The following PHTF2 variants were observed in gnomAD, a reference collection of about 807,000 sequenced individuals.
PHTF2 encodes protein PHTF2.
A neutral mutation model predicts 101.2 loss-of-function variants in PHTF2; 60 were observed. The observed-to-expected ratio is 0.59, with a 90% CI of 0.48 to 0.73. The LOEUF is 0.73. Ranked by LOEUF, PHTF2 falls within the 30% of genes least tolerant of loss-of-function variation. The pLI, the probability that PHTF2 is intolerant of heterozygous loss-of-function variation, is 0.00. For missense variants in PHTF2, 747 were observed against 908.7 expected (o/e 0.82, Z 2.29); for synonymous variants, 311 against 307.3 (o/e 1.01, Z -0.13).
chr7:77,905,864 TTCTG>T (rs1389576311), intron 7 of PHTF2, among the ~76,000 whole-genome samples: 3 of 152,188 alleles, frequency 2.0e-5, no homozygotes, highest in Non-Finnish European at 4.4e-5. Context: ...CCCAACAACA[TTCTG>T]TCTTAGTTGA....
intron 2 of PHTF2, among the ~76,000 whole-genome samples, chr7:77,841,075 CTTT>C (rs57283892): frequency 2.7e-4 from 21 of 77,264 alleles, no homozygotes; most frequent in African/African-American, 9.4e-4. Flanking sequence ...AAAAAACAGA[CTTT>C]TTTTTTTTTT....
At chr7:77,865,487 A>T (rs958867771) in intron 3 of PHTF2, among the ~76,000 whole-genome samples, 1 of 152,166 alleles carries the variant, frequency 6.6e-6, no homozygotes, top group African/African-American at 2.4e-5. Flanking sequence ...AGCCTCCTAA[A>T]GTGCTGGCAT....
chr7:77,923,040 A>G (rs1442381208), intron 11 of PHTF2: 28 of 1,121,710 alleles, frequency 2.5e-5, no homozygotes, highest in Non-Finnish European at 2.7e-5. Flanking sequence ...GCTTTTAAAG[A>G]AGAACATTCT....
chr7:77,904,269 A>G (rs1444933812), intron 7 of PHTF2, among the ~76,000 whole-genome samples: 1 of 151,886 alleles, frequency 6.6e-6, no homozygotes, highest in Non-Finnish European at 1.5e-5. Context: ...TGGACATGCA[A>G]CTCCCTTTGC....
At chr7:77,830,413 A>G (rs1794988886) in intron 1 of PHTF2, among the ~76,000 whole-genome samples, 1 of 152,160 alleles carries the variant, frequency 6.6e-6, no homozygotes, top group African/African-American at 2.4e-5. Context: ...GCACTACGGG[A>G]GGTGAGCCAG....
chr7:77,818,016 A>G (rs996183285), intron 1 of PHTF2, among the ~76,000 whole-genome samples: 5 of 151,674 alleles, frequency 3.3e-5, no homozygotes, highest in African/African-American at 9.7e-5. Flanking sequence ...AGGCTGAGGC[A>G]GGAGAATCTC....
chr7:77,863,281 T>C (rs1797791153), intron 3 of PHTF2, among the ~76,000 whole-genome samples: 1 of 152,210 alleles, frequency 6.6e-6, no homozygotes, highest in Non-Finnish European at 1.5e-5. Context: ...TAGGATGGTA[T>C]ATAAAGAGCT....
intron 11 of PHTF2, among the ~76,000 whole-genome samples, chr7:77,927,172 AAAAAAATAT>A (rs1457264318): frequency 1.1e-4 from 11 of 97,170 alleles, no homozygotes; most frequent in South Asian, 6.7e-4. Flanking sequence ...AAAAAAAAAA[AAAAAAATAT>A]ATATATATAT....
At chr7:77,834,829 A>ATT (rs1795327341) in intron 1 of PHTF2, among the ~76,000 whole-genome samples, 1 of 152,210 alleles carries the variant, frequency 6.6e-6, no homozygotes, top group Non-Finnish European at 1.5e-5. Flanking sequence ...AGAGACAAAG[A>ATT]ATGTTGCCAC....
intron 1 of PHTF2, among the ~76,000 whole-genome samples, chr7:77,817,824 T>C (rs1160385985): frequency 6.6e-6 from 1 of 152,102 alleles, no homozygotes; most frequent in Non-Finnish European, 1.5e-5. Flanking sequence ...AAGTTTGAGT[T>C]CCGGGCCGGG....
intron 1 of PHTF2, among the ~76,000 whole-genome samples, chr7:77,803,631 A>G (rs2150462081): frequency 6.6e-6 from 1 of 151,782 alleles, no homozygotes; most frequent in Non-Finnish European, 1.5e-5. Flanking sequence ...CATATTCTTG[A>G]TTTCTAAGAC....
chr7:77,905,084 G>A (rs1335162683), intron 7 of PHTF2, among the ~76,000 whole-genome samples: 1 of 152,192 alleles, frequency 6.6e-6, no homozygotes, highest in African/African-American at 2.4e-5. Flanking sequence ...GAGGCCCAGG[G>A]AAGCCAAAAG....
chr7:77,799,674 T>C (rs1792378647), intron 1 of PHTF2, among the ~76,000 whole-genome samples: 1 of 152,242 alleles, frequency 6.6e-6, no homozygotes, highest in Non-Finnish European at 1.5e-5. Context: ...CTTCGAGTCA[T>C]GGCTTTCTAA....
chr7:77,850,655 A>G (rs1187396930), intron 2 of PHTF2, among the ~76,000 whole-genome samples: 2 of 151,652 alleles, frequency 1.3e-5, no homozygotes, highest in Admixed American at 6.6e-5. Flanking sequence ...AAAAAAAAAA[A>G]AAAAAGAAAA....
At chr7:77,932,605 AGAGAGAGAGAGAGAGAGTGTGTGT>A (rs1482049058) in intron 12 of PHTF2, among the ~76,000 whole-genome samples, 15 of 74,478 alleles carry the variant, frequency 2.0e-4, no homozygotes, top group East Asian at 5.6e-4. Context: ...AGAGAGAAAG[AGAGAGAGAGAGAGAGAGTGTGTGT>A]GTGTGTGTGT....
At chr7:77,901,330 A>G (rs1801370699) in intron 6 of PHTF2, among the ~76,000 whole-genome samples, 2 of 152,246 alleles carry the variant, frequency 1.3e-5, no homozygotes, top group Non-Finnish European at 2.9e-5. Context: ...AGTATTAAAA[A>G]GAGAGAATGG....
chr7:77,845,022 A>G (rs953235055), intron 2 of PHTF2, among the ~76,000 whole-genome samples: 2 of 152,218 alleles, frequency 1.3e-5, no homozygotes, highest in Non-Finnish European at 2.9e-5. Context: ...GAGAAACCAG[A>G]ATAGTTTTTA....
intron 12 of PHTF2, among the ~76,000 whole-genome samples, chr7:77,933,709 G>GTTTTTTT (rs1157738956): frequency 7.9e-6 from 1 of 127,264 alleles, no homozygotes; most frequent in Non-Finnish European, 1.6e-5. Flanking sequence ...CAGGGACCAT[G>GTTTTTTT]TGTTTTTTTT....
intron 12 of PHTF2, among the ~76,000 whole-genome samples, chr7:77,931,873 T>C (rs1374019607): frequency 6.6e-6 from 1 of 152,090 alleles, no homozygotes; most frequent in East Asian, 1.9e-4. Context: ...CATGAATAAG[T>C]TTTTGAATAT....
Sources: allele counts gnomAD v4.1 joint callset (sites outside exome capture counted in the v4.1 genomes callset), GRCh38; gene constraint gnomAD v4.1.1; transcripts MANE v1.5; gene names NCBI Gene and HGNC (gene_info 2026-07-23, HGNC 2026-07-21).